Variants in CA13 observed in about 807,000 individuals in gnomAD.
The protein encoded by CA13 is carbonic anhydrase 13.
In CA13, 21 loss-of-function variants were observed where a neutral mutation model predicts 31.5. The observed-to-expected ratio is 0.67, with a 90% confidence interval of 0.47 to 0.96. The LOEUF (loss-of-function observed/expected upper bound fraction) is 0.96. Among genes scored for constraint, CA13 ranks in the 40% least tolerant of loss-of-function variants. The probability of loss-of-function intolerance (pLI) is 0.00; values close to 1 mark genes in which losing one functional copy is unlikely to be tolerated. For synonymous variants in CA13, 117 were observed against 111.4 expected, an observed-to-expected ratio of 1.05 and a Z score of -0.32; for missense variants, 315 against 318.9, an observed-to-expected ratio of 0.99 and a Z score of 0.09.
chr8:85,270,171 T>A (rs771080975), intron 6 of CA13, among the ~76,000 whole-genome samples: 10 of 152,230 alleles, frequency 6.6e-5, no homozygotes, highest in Non-Finnish European at 1.0e-4. Context: ...AGGTGCAATA[T>A]CTTAGCAAGA....
intron 3 of CA13, among the ~76,000 whole-genome samples, chr8:85,263,272 G>T (rs1380237892): frequency 6.6e-6 from 1 of 152,190 alleles, no homozygotes; most frequent in African/African-American, 2.4e-5. Flanking sequence ...ATCGGGTACT[G>T]TTGGGCATTG....
In CA13 at chr8:85,281,396, C is replaced by T. The variant is rs766646545; in HGVS notation, c.*47C>T. The T allele has an allele frequency of 3.2e-6, 5 of 1,584,500 alleles. No individual in the cohort carries two copies. The highest frequency in any genetic ancestry group is 4.3e-6 in the Non-Finnish European group (5 of 1,160,414). ...CCCAAACATGGCTGTGGAGAGACAA[C>T]AAAACAAAACAAAGCACAAAAGTCT... On this transcript the variant is annotated 3_prime_UTR_variant, in exon 7 of 7. Coordinates refer to ENST00000321764, the MANE Select transcript of CA13 (RefSeq NM_198584.3).
At chr8:85,246,039 T>G (rs1341566576) in intron 1 of CA13, among the ~76,000 whole-genome samples, 174 bp downstream of exon 1, 1 of 152,186 alleles carries the variant, frequency 6.6e-6, no homozygotes, top group Non-Finnish European at 1.5e-5. Flanking sequence ...GAGAGCAGTC[T>G]TGTCAGGGTA....
chr8:85,267,371 C>A, intron 4 of CA13: 3 of 767,060 alleles, frequency 3.9e-6, no homozygotes, highest in Non-Finnish European at 4.8e-6. Context: ...AGATTCAGAT[C>A]ACCTGTAATA....
Position 85,281,440 on chromosome 8 carries a change from T to G in CA13, c.*91T>G. ...AAAGTCTCTGCCAACAACTCTTTTG[T>G]GGAATTCTAATTTATAGGAAACATT... On this transcript the variant is annotated 3_prime_UTR_variant, in exon 7 of 7. Coordinates refer to ENST00000321764, the MANE Select transcript of CA13 (RefSeq NM_198584.3). 2 of 1,531,732 alleles carry G rather than the reference T, an allele frequency of 1.3e-6. No individual in the cohort carries two copies. The highest frequency in any genetic ancestry group is 1.8e-6 in the Non-Finnish European group (2 of 1,133,742). The allele number at this position is 1,531,732 out of a possible 1,614,324, so 94.9% of individuals were successfully genotyped here. A position where few individuals can be genotyped will look rare whatever the true frequency, so the allele number is the denominator to read the frequency against.
At chr8:85,254,413 G>A (rs1554689153) in intron 2 of CA13, among the ~76,000 whole-genome samples, 1 of 151,666 alleles carries the variant, frequency 6.6e-6, no homozygotes. Context: ...ACTCTAATTT[G>A]CTCTATGAGA....
At chr8:85,272,028 G>A (rs538084942) in intron 6 of CA13, among the ~76,000 whole-genome samples, 17 of 152,134 alleles carry the variant, frequency 1.1e-4, no homozygotes, top group African/African-American at 3.9e-4. Flanking sequence ...ATATTGCGCC[G>A]CTGTACTCCA....
chr8:85,245,593 A>G lies in CA13; in HGVS notation c.-236A>G, dbSNP rs989287296. 9.6e-5 allele frequency: 54 copies of G among 562,410 alleles called. No individual in the cohort carries two copies. Among genetic ancestry groups the G allele is most frequent in the Non-Finnish European group, 1.4e-4 (44 of 318,076 alleles). The allele number at this position is 562,410 out of a possible 1,614,324, so 34.8% of individuals were successfully genotyped here. ...CTCAAATCTCTCATTCCCGAGTCCA[A>G]ACTAAGAGAGACTCGCGCCCCAGGA... On this transcript the variant is annotated 5_prime_UTR_variant, in exon 1 of 7. Transcript: ENST00000321764.
At chr8:85,276,854 G>T (rs1042865751) in intron 6 of CA13, among the ~76,000 whole-genome samples, 1 of 151,524 alleles carries the variant, frequency 6.6e-6, no homozygotes, top group Non-Finnish European at 1.5e-5. Context: ...CTAGCTAAGG[G>T]ATTGTAAATA....
At chr8:85,258,361 A>G (rs188761570) in intron 2 of CA13, among the ~76,000 whole-genome samples, 1 of 152,338 alleles carries the variant, frequency 6.6e-6, no homozygotes, top group Admixed American at 6.5e-5. Flanking sequence ...TTTACTGAGG[A>G]AATTACTCAA....
At chr8:85,253,794 C>T (rs1398733920) in intron 2 of CA13, among the ~76,000 whole-genome samples, 2 of 152,014 alleles carry the variant, frequency 1.3e-5, no homozygotes, top group Admixed American at 6.6e-5. Context: ...ATTAGTTAGG[C>T]CCAGGAGTTT....
intron 6 of CA13, among the ~76,000 whole-genome samples, chr8:85,272,713 C>G (rs570129822): frequency 3.9e-5 from 6 of 152,298 alleles, no homozygotes; most frequent in Non-Finnish European, 8.8e-5. Context: ...GAGTAATTTG[C>G]TCACTTTTGT....
At chr8:85,247,115 C>T (rs944636324) in intron 1 of CA13, among the ~76,000 whole-genome samples, 1 of 152,036 alleles carries the variant, frequency 6.6e-6, no homozygotes, top group Non-Finnish European at 1.5e-5. Context: ...TTGATTAAGG[C>T]CATAATTATA....
In CA13 at chr8:85,245,957, T is replaced by C. The variant is rs1218800919; in HGVS notation, c.37+92T>C. On this transcript the variant is annotated intron_variant, in intron 1 of 6. Transcript: ENST00000321764. ...GGCGCTCGCTGACCACACACTGGGCTCGCACATTGAGAAACTTTTTCGGTT... is the reference window on the plus strand; with the variant it reads ...GGCGCTCGCTGACCACACACTGGGCCCGCACATTGAGAAACTTTTTCGGTT... 14 of 1,443,452 alleles carry C rather than the reference T, an allele frequency of 9.7e-6. No homozygotes were observed. The Admixed American group carries it at 2.4e-4, about 24-fold the overall frequency. The allele number at this position is 1,443,452 out of a possible 1,614,324, so 89.4% of individuals were successfully genotyped here. A position where few individuals can be genotyped will look rare whatever the true frequency, so the allele number is the denominator to read the frequency against.
At chr8:85,257,667 C>G (rs562105436) in intron 2 of CA13, among the ~76,000 whole-genome samples, 1 of 151,260 alleles carries the variant, frequency 6.6e-6, no homozygotes, top group Non-Finnish European at 1.5e-5. Flanking sequence ...AAGTTTGAGC[C>G]CCACTGTACT....
At chr8:85,266,277 A>G (rs773955507) in intron 3 of CA13, among the ~76,000 whole-genome samples, 10 of 151,894 alleles carry the variant, frequency 6.6e-5, no homozygotes, top group Non-Finnish European at 1.3e-4. Context: ...TGCAACCTCC[A>G]CCTCCTGGGT....
intron 1 of CA13, chr8:85,246,149 G>C: frequency 3.6e-6 from 2 of 550,052 alleles, no homozygotes; most frequent in Non-Finnish European, 6.6e-6. Context: ...ACCTTCATCT[G>C]AAAAGCCAAG....
chr8:85,258,759 CAAAAAAA>C (rs33933991), intron 2 of CA13, among the ~76,000 whole-genome samples: 4 of 43,480 alleles, frequency 9.2e-5, no homozygotes, highest in Admixed American at 4.9e-4. Flanking sequence ...CCTGTCTCTA[CAAAAAAA>C]AAAAAAAAAA....
At position 85,245,783 on chromosome 8, in the gene CA13, C is replaced by G. The variant is rs1472763096; in HGVS notation, c.-46C>G. The G allele has an allele frequency of 6.2e-7, 1 of 1,609,846 alleles. No homozygotes were observed. The highest frequency in any genetic ancestry group is 2.2e-5 in the East Asian group (1 of 44,844). On this transcript the variant is annotated 5_prime_UTR_variant, in exon 1 of 7. Transcript: ENST00000321764. ...GGCCCCTCCCCGCTCCCTCCTCTTT[C>G]TCGCTGCTCAGTCACATCTTTCTCT...
Sources: allele counts gnomAD v4.1 joint callset (sites outside exome capture counted in the v4.1 genomes callset), GRCh38; gene constraint gnomAD v4.1.1; transcripts MANE v1.5; gene names NCBI Gene and HGNC (gene_info 2026-07-23, HGNC 2026-07-21).